RIMS1: variants seen among roughly 807,000 people sequenced by gnomAD.
The protein encoded by RIMS1 is regulating synaptic membrane exocytosis protein 1.
A neutral mutation model predicts 214.1 loss-of-function variants in RIMS1; 83 were observed. The ratio of observed to expected loss-of-function variants is 0.39; its 90% CI spans 0.32 to 0.47. The LOEUF is 0.47. Ranked by LOEUF, RIMS1 falls within the 20% of genes least tolerant of loss-of-function variation. RIMS1 has a pLI of 0.99. For missense variants in RIMS1, 2,050 were observed against 2,161.8 expected (o/e 0.95, Z 1.03); for synonymous variants, 793 against 786.8 (o/e 1.01, Z -0.13).
rs1788648362 is a variant in RIMS1 at position 71,948,935 on chromosome 6, C to G, written c.165-20048C>G. The stretch of plus-strand genomic sequence containing the variant: ...TTAAGGAGAATCTAAGTTTACTCAT[C>G]AAACCTATAAATAGAGTGAGGGCAT... On this transcript the variant is annotated intron_variant, in intron 1 of 33. Transcript: ENST00000521978. 1.3e-5 allele frequency among the ~76,000 whole-genome samples: 2 copies of G among 152,164 alleles called. 1 individual carries two copies. Among genetic ancestry groups the G allele is most frequent in the African/African-American group, 4.8e-5 (2 of 41,430 alleles).
intron 4 of RIMS1, among the ~76,000 whole-genome samples, chr6:72,103,768 G>C (rs1419480889): frequency 6.6e-6 from 1 of 152,050 alleles, no homozygotes; most frequent in Non-Finnish European, 1.5e-5. Context: ...GCAATAAATG[G>C]GGGTTTCAAT....
intron 1 of RIMS1, among the ~76,000 whole-genome samples, chr6:71,956,196 G>A (rs1010023874): frequency 6.6e-5 from 10 of 151,922 alleles, no homozygotes; most frequent in African/African-American, 2.4e-4. Context: ...TTACTGCAAG[G>A]ATTAAATTTT....
At chr6:72,081,027 C>A (rs1448745047) in intron 2 of RIMS1, among the ~76,000 whole-genome samples, 1 of 152,120 alleles carries the variant, frequency 6.6e-6, no homozygotes, top group African/African-American at 2.4e-5. Context: ...GTAGATTTCT[C>A]CTTAGAATCA....
chr6:72,105,581 A>C (rs1193698864), intron 4 of RIMS1, among the ~76,000 whole-genome samples: 2 of 152,264 alleles, frequency 1.3e-5, no homozygotes, highest in South Asian at 4.1e-4. Flanking sequence ...TTATGACTAC[A>C]TTAGGTTAAA....
intron 1 of RIMS1, among the ~76,000 whole-genome samples, chr6:71,889,501 C>A (rs1768941472): frequency 6.6e-6 from 1 of 152,156 alleles, no homozygotes; most frequent in Non-Finnish European, 1.5e-5. Context: ...CTCTATAATC[C>A]TGGACCTCTG....
At chr6:72,078,858 T>A (rs1038270566) in intron 2 of RIMS1, among the ~76,000 whole-genome samples, 3 of 152,108 alleles carry the variant, frequency 2.0e-5, no homozygotes, top group South Asian at 2.1e-4. Flanking sequence ...AAAGTTTTTT[T>A]ATATATTTAT....
intron 2 of RIMS1, among the ~76,000 whole-genome samples, chr6:72,092,069 C>A (rs1836375731): frequency 6.6e-6 from 1 of 152,130 alleles, no homozygotes; most frequent in Non-Finnish European, 1.5e-5. Flanking sequence ...CAGTATCTTG[C>A]TTCCAAAGGC....
At chr6:72,341,296 C>T (rs1429011653) in intron 29 of RIMS1, among the ~76,000 whole-genome samples, 1 of 151,924 alleles carries the variant, frequency 6.6e-6, no homozygotes, top group East Asian at 1.9e-4. Flanking sequence ...CCTGATTGCC[C>T]TGGCCATTGA....
chr6:72,118,255 C>T (rs1054293578), intron 4 of RIMS1, among the ~76,000 whole-genome samples: 8 of 151,120 alleles, frequency 5.3e-5, no homozygotes, highest in African/African-American at 1.2e-4. Flanking sequence ...AGATCAATAA[C>T]AAGCAGTGGT....
At chr6:71,953,513 A>G (rs530939820) in intron 1 of RIMS1, among the ~76,000 whole-genome samples, 5 of 152,296 alleles carry the variant, frequency 3.3e-5, no homozygotes, top group Admixed American at 3.3e-4. Context: ...CAGGGGGGAA[A>G]AAGCATTAAG....
intron 26 of RIMS1, among the ~76,000 whole-genome samples, chr6:72,301,835 A>T (rs1319179516): frequency 6.6e-6 from 1 of 151,542 alleles, no homozygotes; most frequent in South Asian, 2.1e-4. Flanking sequence ...TCAATCCTGA[A>T]CAGATGTTTT....
intron 26 of RIMS1, among the ~76,000 whole-genome samples, chr6:72,301,838 G>A (rs1225357678): frequency 6.6e-6 from 1 of 151,538 alleles, no homozygotes; most frequent in Non-Finnish European, 1.5e-5. Context: ...ATCCTGAACA[G>A]ATGTTTTTTA....
At chr6:72,035,660 C>T (rs1819421711) in intron 2 of RIMS1, among the ~76,000 whole-genome samples, 1 of 152,130 alleles carries the variant, frequency 6.6e-6, no homozygotes, top group South Asian at 2.1e-4. Flanking sequence ...GAAAACCAGT[C>T]CTGTTAAGCC....
chr6:72,209,067 A>G (rs2053391906), intron 6 of RIMS1, among the ~76,000 whole-genome samples: 1 of 152,188 alleles, frequency 6.6e-6, no homozygotes, highest in Non-Finnish European at 1.5e-5. Context: ...ACACTGTAAA[A>G]CAAAGAATAG....
chr6:72,177,908 T>C lies in RIMS1; in HGVS notation c.472-1667T>C, dbSNP rs558747845. 5.3e-5 allele frequency among the ~76,000 whole-genome samples: 8 copies of C among 152,318 alleles called. No homozygotes were observed. In the South Asian group the frequency reaches 8.3e-4, roughly 16 times the overall value. On this transcript the variant is annotated intron_variant, in intron 4 of 33. Coordinates refer to ENST00000521978, the MANE Select transcript of RIMS1 (RefSeq NM_014989.7). ...GACTTCTGAGGGACCTACTCAGTAA[T>C]AGATTTTGTAAAATATACCCTTATT... is the stretch of plus-strand genomic sequence containing the variant.
intron 2 of RIMS1, among the ~76,000 whole-genome samples, chr6:72,038,354 T>C (rs1820524603): frequency 6.6e-6 from 1 of 151,698 alleles, no homozygotes; most frequent in African/African-American, 2.4e-5. Flanking sequence ...AACACTGTCA[T>C]ATCAAAGCCA....
intron 4 of RIMS1, among the ~76,000 whole-genome samples, chr6:72,100,849 A>G (rs1000429956): frequency 2.0e-5 from 3 of 152,048 alleles, no homozygotes; most frequent in Admixed American, 2.0e-4. Context: ...AGCAAGTGTG[A>G]CATTAAACTG....
At chr6:71,967,518 T>A (rs1010613534) in intron 1 of RIMS1, among the ~76,000 whole-genome samples, 2 of 152,208 alleles carry the variant, frequency 1.3e-5, no homozygotes, top group Non-Finnish European at 2.9e-5. Context: ...ATTTCAGAGC[T>A]CAGAAATCCT....
chr6:72,080,304 T>C (rs1833045104), intron 2 of RIMS1, among the ~76,000 whole-genome samples: 1 of 151,888 alleles, frequency 6.6e-6, no homozygotes, highest in Non-Finnish European at 1.5e-5. Context: ...ATAACAGTCA[T>C]GAACATAAAA....
Sources: gnomAD v4.1 joint callset for allele counts (sites outside exome capture counted in the v4.1 genomes callset) on GRCh38, gnomAD v4.1.1 for gene constraint, MANE v1.5 for transcripts, NCBI Gene and HGNC (gene_info 2026-07-23, HGNC 2026-07-21) for gene names.